A1CF: variants seen among roughly 807,000 people sequenced by gnomAD.
A1CF encodes the protein APOBEC1 complementation factor.
A neutral mutation model predicts 68.9 loss-of-function variants in A1CF; 48 were observed. The ratio of observed to expected loss-of-function variants is 0.70; its 90% CI spans 0.55 to 0.89. The LOEUF is 0.89. Ranked by LOEUF, A1CF falls within the 40% of genes least tolerant of loss-of-function variation. The pLI is 0.00. For missense variants in A1CF, 653 were observed against 718.9 expected, an observed-to-expected ratio of 0.91 and a Z score of 1.05; for synonymous variants, 272 against 260.4, an observed-to-expected ratio of 1.04 and a Z score of -0.43.
intron 3 of A1CF, chr10:50,850,777 A>C: frequency 6.2e-7 from 1 of 1,614,062 alleles, no homozygotes; most frequent in Non-Finnish European, 8.5e-7. Flanking sequence ...GCCCAGACAC[A>C]CTGCTTCCAT....
intron 11 of A1CF, among the ~76,000 whole-genome samples, chr10:50,810,289 A>G (rs1263346929): frequency 6.6e-6 from 1 of 152,238 alleles, no homozygotes; most frequent in African/African-American, 2.4e-5. Context: ...TGGCTTTTCT[A>G]AAGCACAAGT....
rs1252193088 is a variant in A1CF, at chr10:50,828,199, T to C, written c.701A>G (p.Tyr234Cys). The C allele has an allele frequency of 6.2e-7, 1 of 1,609,716 alleles. No individual in the cohort carries two copies. The highest frequency in any genetic ancestry group is 1.3e-5 in the African/African-American group (1 of 74,832). The change falls in exon 7 of 13, where the codon TAT (tyrosine) becomes TGT (cysteine). Residue 234 changes from tyrosine to cysteine, a missense_variant. Tyr to Cys is a radical substitution (Grantham distance 194, BLOSUM62 -2). Transcript: ENST00000373997. Reference protein sequence around the residue: ...EDTMSSVKILYVRNLMLSTSE... With the variant: ...EDTMSSVKILCVRNLMLSTSE... ...GGTAGACAGCATAAGATTTCTTACA[T>C]ATAGGATTTTCACTGAAGACATTGT...
At chr10:50,872,221 T>A (rs1841301960) in intron 1 of A1CF, among the ~76,000 whole-genome samples, 1 of 152,162 alleles carries the variant, frequency 6.6e-6, no homozygotes, top group Non-Finnish European at 1.5e-5. Flanking sequence ...TGTGGCAATA[T>A]GTAAAAATAT....
chr10:50,839,297 C>A (rs1015098853), intron 5 of A1CF, among the ~76,000 whole-genome samples: 2 of 152,180 alleles, frequency 1.3e-5, no homozygotes, highest in Non-Finnish European at 2.9e-5. Context: ...TCTATCTCAA[C>A]TCAAATACCG....
rs1837755559 is a variant in A1CF, at chr10:50,805,019, A to G, written c.*1710T>C. The G allele has an allele frequency of 1.3e-5, 2 of 152,346 alleles. No homozygotes were observed. The highest frequency in any genetic ancestry group is 6.5e-5 in the Admixed American group (1 of 15,298). 9.4% of individuals were successfully genotyped at this position (152,346 alleles called of 1,614,324 possible). A position where few individuals can be genotyped will look rare whatever the true frequency, so the allele number is the denominator to read the frequency against. On this transcript the variant is annotated 3_prime_UTR_variant, in exon 13 of 13. Transcript: ENST00000373997. ...AGGAAATATTAGACGCTAAATGTAA[A>G]GTAGAAAGCACAGGGCCTTTCAGAG...
chr10:50,858,343 G>C (rs1037030884), intron 3 of A1CF, among the ~76,000 whole-genome samples: 2 of 152,022 alleles, frequency 1.3e-5, no homozygotes, highest in Non-Finnish European at 2.9e-5. Context: ...ATCCAGAATT[G>C]AATGAAATGT....
intron 3 of A1CF, among the ~76,000 whole-genome samples, chr10:50,856,768 AT>A (rs940370112): frequency 4.6e-5 from 7 of 152,076 alleles, no homozygotes; most frequent in African/African-American, 1.7e-4. Flanking sequence ...CAGATAGAAT[AT>A]TTTTTGTTAT....
intron 1 of A1CF, among the ~76,000 whole-genome samples, chr10:50,885,299 T>C (rs1186038631): frequency 6.6e-6 from 1 of 152,176 alleles, no homozygotes. Flanking sequence ...TAGAGCTAAA[T>C]AAACTTCTCA....
At chr10:50,856,691 T>C (rs557190893) in intron 3 of A1CF, among the ~76,000 whole-genome samples, 47 of 152,220 alleles carry the variant, frequency 3.1e-4, no homozygotes, top group Non-Finnish European at 4.7e-4. Context: ...CATCAGGAAA[T>C]TGGGGATAAA....
chr10:50,847,321 T>G (rs1840047504), intron 3 of A1CF, among the ~76,000 whole-genome samples: 1 of 152,172 alleles, frequency 6.6e-6, no homozygotes, highest in Non-Finnish European at 1.5e-5. Context: ...AAATTAACAA[T>G]TGAGGACACA....
Position 50,828,281 on chromosome 10 carries a change from A to G in A1CF, c.619T>C (p.Trp207Arg). 1 of 1,554,442 alleles carries G rather than the reference A, an allele frequency of 6.4e-7. No individual in the cohort carries two copies. Among genetic ancestry groups the G allele is most frequent in the Non-Finnish European group, 8.8e-7 (1 of 1,142,260 alleles). ...CAGTCTACTGCAATACCATGTCCCC[A>G]TAACTGAATTCTTCCTGTTGAAAAT... ...RKLLPGRIQL[W>R]GHGIAVDWAE... The change falls in exon 7 of 13, where the codon TGG becomes CGG. Residue 207 changes from tryptophan (W) to arginine (R), a missense_variant. Physicochemically the swap from Trp to Arg is moderately radical, Grantham distance 101 (BLOSUM62 -3). Transcript: ENST00000373997.
intron 3 of A1CF, among the ~76,000 whole-genome samples, chr10:50,848,138 G>A (rs148528837): frequency 5.7e-4 from 86 of 152,094 alleles, no homozygotes; most frequent in African/African-American, 2.0e-3. Context: ...CATTTTATAG[G>A]CAAGGAATCC....
chr10:50,853,038 A>C (rs556060853), intron 3 of A1CF, among the ~76,000 whole-genome samples: 1 of 152,240 alleles, frequency 6.6e-6, no homozygotes, highest in African/African-American at 2.4e-5. Flanking sequence ...GAATCAAAAC[A>C]TGTGATTTCA....
intron 9 of A1CF, among the ~76,000 whole-genome samples, chr10:50,814,888 T>G (rs1375774805): frequency 6.6e-6 from 1 of 152,176 alleles, no homozygotes; most frequent in African/African-American, 2.4e-5. Context: ...ATGATATAAT[T>G]TATTATCACA....
In A1CF at chr10:50,800,379, G is replaced by C. The variant is rs1837551177; in HGVS notation, c.*6350C>G. On this transcript the variant is annotated 3_prime_UTR_variant, in exon 13 of 13. Transcript: ENST00000373997. ...AAGTGTTAAATTCACCTTTTAAAAGGCTTATTGTATCAGTCCAGAGTTTGG... is the reference window on the plus strand; with the variant it reads ...AAGTGTTAAATTCACCTTTTAAAAGCCTTATTGTATCAGTCCAGAGTTTGG... 1.3e-5 allele frequency: 2 copies of C among 151,934 alleles called. No individual in the cohort carries two copies. Among genetic ancestry groups the C allele is most frequent in the Non-Finnish European group, 2.9e-5 (2 of 67,974 alleles). The allele number at this position is 151,934 out of a possible 1,614,324, so 9.4% of individuals were successfully genotyped here. A position where few individuals can be genotyped will look rare whatever the true frequency, so the allele number is the denominator to read the frequency against.
chr10:50,838,193 G>T (rs1327119053), intron 5 of A1CF, among the ~76,000 whole-genome samples: 1 of 152,152 alleles, frequency 6.6e-6, no homozygotes, highest in Non-Finnish European at 1.5e-5. Context: ...AATGGCTCTT[G>T]GTTGTGTGGC....
Position 50,805,789 on chromosome 10 carries a change from T to A in A1CF, c.*940A>T, listed in dbSNP as rs1430112567. 1 of 152,224 alleles carries A rather than the reference T, an allele frequency of 6.6e-6. No homozygotes were observed. Among genetic ancestry groups the A allele is most frequent in the Non-Finnish European group, 1.5e-5 (1 of 68,030 alleles). 9.4% of individuals were successfully genotyped at this position (152,224 alleles called of 1,614,324 possible). A position where few individuals can be genotyped will look rare whatever the true frequency, so the allele number is the denominator to read the frequency against. On this transcript the variant is annotated 3_prime_UTR_variant, in exon 13 of 13. Coordinates refer to ENST00000373997, the MANE Select transcript of A1CF (RefSeq NM_014576.4). The stretch of plus-strand genomic sequence containing the variant: ...AAAGAAATGAGAGCAAATCTGCACT[T>A]CTCTCTTTAAAATGACTTTTCAGTC...
chr10:50,872,521 AG>A (rs1250283396), intron 1 of A1CF, among the ~76,000 whole-genome samples: 2 of 152,058 alleles, frequency 1.3e-5, no homozygotes, highest in Non-Finnish European at 2.9e-5. Flanking sequence ...AAAAATAGGC[AG>A]GGGGTGTGGA....
At chr10:50,848,558 G>A (rs1447416686) in intron 3 of A1CF, among the ~76,000 whole-genome samples, 2 of 152,152 alleles carry the variant, frequency 1.3e-5, no homozygotes, top group African/African-American at 4.8e-5. Context: ...ATTAATTAAT[G>A]AACCCTCATT....
Sources: allele counts gnomAD v4.1 joint callset (sites outside exome capture counted in the v4.1 genomes callset), GRCh38; gene constraint gnomAD v4.1.1; transcripts MANE v1.5; gene names NCBI Gene and HGNC (gene_info 2026-07-23, HGNC 2026-07-21).